COBL: variants seen among roughly 807,000 people sequenced by gnomAD.
The protein encoded by COBL is cordon-bleu WH2 repeat protein.
Under a neutral mutation model 98.8 loss-of-function variants are expected in COBL, and 51 were observed. The observed-to-expected ratio is 0.52, with a 90% confidence interval of 0.41 to 0.65. The LOEUF (loss-of-function observed/expected upper bound fraction) is 0.65, where lower values mean the gene tolerates loss of function less well. Ranked by LOEUF, COBL falls within the 30% of genes least tolerant of loss-of-function variation. The probability of loss-of-function intolerance (pLI) is 0.00; values close to 1 mark genes in which losing one functional copy is unlikely to be tolerated. For synonymous variants in COBL, 634 were observed against 651.7 expected, an observed-to-expected ratio of 0.97 and a Z score of 0.41; for missense variants, 1,617 against 1,617.5, an observed-to-expected ratio of 1.00 and a Z score of 0.01.
chr7:51,200,903 A>C (rs1473557832), intron 2 of COBL, among the ~76,000 whole-genome samples: 1 of 152,146 alleles, frequency 6.6e-6, no homozygotes, highest in Non-Finnish European at 1.5e-5. Flanking sequence ...AAGGACACAT[A>C]GAGGTTGAAA....
intron 6 of COBL, among the ~76,000 whole-genome samples, chr7:51,098,856 A>T (rs966989370): frequency 3.9e-4 from 60 of 152,162 alleles, no homozygotes; most frequent in African/African-American, 1.4e-3. Flanking sequence ...TATAAACCAT[A>T]TGTCTGAAAG....
chr7:51,197,536 C>G (rs114895675), intron 2 of COBL, among the ~76,000 whole-genome samples: 2,126 of 152,244 alleles, frequency 0.014, 52 homozygotes, highest in African/African-American at 0.048. Flanking sequence ...CCAGGTCCAT[C>G]TGATCCAGTG....
chr7:51,228,026 T>C (rs914648330), intron 1 of COBL, among the ~76,000 whole-genome samples: 6 of 152,048 alleles, frequency 3.9e-5, no homozygotes, highest in Admixed American at 6.5e-5. Flanking sequence ...ACTTTACCCA[T>C]CAAAACGCCA....
At chr7:51,100,210 AT>A (rs2128961451) in intron 6 of COBL, among the ~76,000 whole-genome samples, 1 of 152,238 alleles carries the variant, frequency 6.6e-6, no homozygotes, top group African/African-American at 2.4e-5. Flanking sequence ...TCTAGTCTCT[AT>A]TTCTCATTCT....
At chr7:51,271,439 T>C (rs1393455952) in intron 1 of COBL, among the ~76,000 whole-genome samples, 1 of 152,200 alleles carries the variant, frequency 6.6e-6, no homozygotes, top group African/African-American at 2.4e-5. Flanking sequence ...GGGGATATTC[T>C]CACCAGGAGG....
intron 5 of COBL, among the ~76,000 whole-genome samples, chr7:51,156,889 C>T (rs1452452871): frequency 6.6e-6 from 1 of 152,176 alleles, no homozygotes; most frequent in African/African-American, 2.4e-5. Context: ...AGCTGGATTC[C>T]CCTCTCAGAG....
intron 1 of COBL, among the ~76,000 whole-genome samples, chr7:51,305,571 T>C (rs1802380074): frequency 6.6e-6 from 1 of 152,064 alleles, no homozygotes; most frequent in South Asian, 2.1e-4. Context: ...AAGTGAAACA[T>C]CATAAGGAGG....
intron 1 of COBL, among the ~76,000 whole-genome samples, chr7:51,246,654 C>T (rs761359648): frequency 2.6e-5 from 4 of 152,076 alleles, no homozygotes; most frequent in Non-Finnish European, 5.9e-5. Flanking sequence ...AATGCAGAAA[C>T]GCTGATTAAT....
Position 51,275,889 on chromosome 7 carries a change from T to G in COBL, c.41+40704A>C, listed in dbSNP as rs1010181024. Among the ~76,000 whole-genome samples, 4 of 152,348 alleles carry G rather than the reference T, an allele frequency of 2.6e-5. No homozygotes were observed. The East Asian group carries it at 7.7e-4, about 29-fold the overall frequency. Reference sequence around the variant, plus strand: ...CCTCTCTCTCCCCTGCTTGTTTTCTTTTCCTCTGACCTGCTCTGCCGGGGT... The same window carrying G: ...CCTCTCTCTCCCCTGCTTGTTTTCTGTTCCTCTGACCTGCTCTGCCGGGGT... On this transcript the variant is annotated intron_variant, in intron 1 of 12. Coordinates refer to ENST00000265136, the MANE Select transcript of COBL (RefSeq NM_015198.5).
chr7:51,095,837 TA>T (rs1795223499), intron 6 of COBL, among the ~76,000 whole-genome samples: 1 of 152,122 alleles, frequency 6.6e-6, no homozygotes. Flanking sequence ...TAGGAAGGTA[TA>T]AAAACTATAA....
intron 1 of COBL, among the ~76,000 whole-genome samples, chr7:51,289,656 G>A (rs1289551248): frequency 6.6e-6 from 1 of 152,190 alleles, no homozygotes; most frequent in Non-Finnish European, 1.5e-5. Flanking sequence ...TGCTAACAAT[G>A]TCTGCAAATT....
chr7:51,033,233 A>G (rs1398695026), intron 8 of COBL: 1 of 152,218 alleles, frequency 6.6e-6, no homozygotes, highest in Non-Finnish European at 1.5e-5. Context: ...GTGGAAATAC[A>G]TATCAAAAAA....
At chr7:51,021,647 A>C (rs1191151004) in intron 12 of COBL, among the ~76,000 whole-genome samples, 1 of 152,214 alleles carries the variant, frequency 6.6e-6, no homozygotes, top group Non-Finnish European at 1.5e-5. Context: ...TTAAAAGTCC[A>C]AAAGGTGAAA....
In COBL at chr7:51,308,608, T is replaced by C. The variant is rs532564824; in HGVS notation, c.41+7985A>G. Reference sequence around the variant, plus strand: ...AGAGCACTTAGCAGAGCACTTATGATAAGACAACGCTTTGCCAATGCTCCT... The same window carrying C: ...AGAGCACTTAGCAGAGCACTTATGACAAGACAACGCTTTGCCAATGCTCCT... On this transcript the variant is annotated intron_variant, in intron 1 of 12. Transcript: ENST00000265136. Among the ~76,000 whole-genome samples the C allele has an allele frequency of 3.3e-5, 5 of 152,316 alleles. 1 individual carries two copies. The South Asian group carries it at 1.0e-3, about 32-fold the overall frequency.
At chr7:51,258,326 G>T (rs1345259357) in intron 1 of COBL, among the ~76,000 whole-genome samples, 1 of 151,964 alleles carries the variant, frequency 6.6e-6, no homozygotes, top group Non-Finnish European at 1.5e-5. Context: ...TTATGTCCCT[G>T]GGCTTGGTTG....
intron 9 of COBL, among the ~76,000 whole-genome samples, chr7:51,030,055 A>G (rs894282739): frequency 1.3e-5 from 2 of 152,180 alleles, no homozygotes; most frequent in Non-Finnish European, 2.9e-5. Flanking sequence ...TGGCTCTTCC[A>G]AGCACCAAAT....
intron 6 of COBL, among the ~76,000 whole-genome samples, chr7:51,131,292 T>C (rs1798711079): frequency 6.6e-6 from 1 of 152,264 alleles, no homozygotes; most frequent in Non-Finnish European, 1.5e-5. Context: ...TTTATAGTTG[T>C]ATCTGCACAA....
chr7:51,039,806 T>A (rs1419047927), intron 8 of COBL, among the ~76,000 whole-genome samples: 1 of 152,236 alleles, frequency 6.6e-6, no homozygotes, highest in Non-Finnish European at 1.5e-5. Flanking sequence ...CGTTTCACCC[T>A]GAGTGCCTGA....
intron 6 of COBL, among the ~76,000 whole-genome samples, chr7:51,099,960 G>A (rs550652409): frequency 1.6e-4 from 24 of 152,254 alleles, no homozygotes; most frequent in African/African-American, 5.8e-4. Context: ...TAGTCTTTTA[G>A]AAGCCCTGAC....
Sources: allele counts gnomAD v4.1 joint callset (sites outside exome capture counted in the v4.1 genomes callset), GRCh38; gene constraint gnomAD v4.1.1; transcripts MANE v1.5; gene names NCBI Gene and HGNC (gene_info 2026-07-23, HGNC 2026-07-21).